Variants in SNTG1 observed in about 807,000 individuals in gnomAD.
SNTG1 encodes syntrophin gamma 1, also known as gamma-1-syntrophin.
SNTG1 carries 39 observed loss-of-function variants against 74.7 expected under a neutral mutation model. The observed-to-expected ratio is 0.52, with a 90% confidence interval of 0.40 to 0.68. The LOEUF is 0.68. Ranked by LOEUF, SNTG1 falls within the 30% of genes least tolerant of loss-of-function variation. SNTG1 has a pLI of 0.00. For missense variants in SNTG1, 685 were observed against 609.5 expected (o/e 1.12, Z -1.30); for synonymous variants, 254 against 217.1 (o/e 1.17, Z -1.49).
chr8:50,573,927 G>A (rs759371458), intron 12 of SNTG1, among the ~76,000 whole-genome samples: 13 of 151,742 alleles, frequency 8.6e-5, no homozygotes, highest in South Asian at 6.2e-4. Flanking sequence ...AAAAAATAAC[G>A]TGATAGAATC....
chr8:50,792,134 A>G (rs927057498), intron 18 of SNTG1, among the ~76,000 whole-genome samples: 4 of 151,566 alleles, frequency 2.6e-5, no homozygotes, highest in Non-Finnish European at 5.9e-5. Flanking sequence ...GCCAGCCACA[A>G]TTAAAATTAA....
intron 1 of SNTG1, among the ~76,000 whole-genome samples, chr8:50,159,466 A>G (rs1323704768): frequency 6.6e-6 from 1 of 152,166 alleles, no homozygotes; most frequent in East Asian, 1.9e-4. Context: ...TTAAACTTCC[A>G]AAACATTGTT....
intron 1 of SNTG1, among the ~76,000 whole-genome samples, chr8:50,087,860 C>G (rs958657118): frequency 6.7e-6 from 1 of 150,152 alleles, no homozygotes; most frequent in Non-Finnish European, 1.5e-5. Flanking sequence ...ATACATGTGC[C>G]ATGCTGGTGC....
intron 11 of SNTG1, among the ~76,000 whole-genome samples, chr8:50,537,729 T>A (rs1358021363): frequency 1.3e-5 from 2 of 152,184 alleles, no homozygotes; most frequent in Non-Finnish European, 2.9e-5. Flanking sequence ...AACTTTCCTG[T>A]AAAGAGCTGT....
chr8:50,005,145 T>C (rs1055694392), intron 1 of SNTG1, among the ~76,000 whole-genome samples: 34 of 152,168 alleles, frequency 2.2e-4, no homozygotes, highest in African/African-American at 8.2e-4. Context: ...TATTTCTTGA[T>C]ACTGTAAATG....
intron 8 of SNTG1, among the ~76,000 whole-genome samples, chr8:50,481,285 G>A (rs2093737984): frequency 6.6e-6 from 1 of 152,166 alleles, no homozygotes; most frequent in Non-Finnish European, 1.5e-5. Flanking sequence ...GGAGGCTGAG[G>A]CGGGAGAATT....
chr8:50,501,677 C>G (rs1397779884), intron 8 of SNTG1, among the ~76,000 whole-genome samples: 2 of 149,274 alleles, frequency 1.3e-5, no homozygotes, highest in Non-Finnish European at 3.0e-5. Context: ...AGGCTGGTCT[C>G]GAACTCCAGA....
chr8:50,339,106 A>G (rs2091240820), intron 2 of SNTG1, among the ~76,000 whole-genome samples: 1 of 152,122 alleles, frequency 6.6e-6, no homozygotes, highest in African/African-American at 2.4e-5. Flanking sequence ...GACTTCTCTT[A>G]GAAACCATGC....
intron 8 of SNTG1, among the ~76,000 whole-genome samples, chr8:50,476,967 A>G (rs1333670392): frequency 6.6e-6 from 1 of 152,156 alleles, no homozygotes; most frequent in Non-Finnish European, 1.5e-5. Context: ...CCCAATGGCC[A>G]AAGCTGAAAC....
At chr8:50,646,196 G>A (rs1585944375) in intron 13 of SNTG1, among the ~76,000 whole-genome samples, 1 of 151,996 alleles carries the variant, frequency 6.6e-6, no homozygotes, top group African/African-American at 2.4e-5. Flanking sequence ...TAATAAACAC[G>A]GTTCTCATTA....
chr8:50,345,355 T>G (rs952697270), intron 2 of SNTG1, among the ~76,000 whole-genome samples: 1 of 152,116 alleles, frequency 6.6e-6, no homozygotes, highest in Non-Finnish European at 1.5e-5. Context: ...AGGCTCTGTT[T>G]TAGTGCCTGC....
chr8:50,646,501 T>C lies in SNTG1; in HGVS notation c.850-10408T>C, dbSNP rs530464644. Among the ~76,000 whole-genome samples, 20 of 152,310 alleles carry C rather than the reference T, an allele frequency of 1.3e-4. No homozygotes were observed. The South Asian group carries it at 3.9e-3, about 30-fold the overall frequency. On this transcript the variant is annotated intron_variant, in intron 13 of 18. Coordinates refer to ENST00000642720, the MANE Select transcript of SNTG1 (RefSeq NM_018967.5). ...ATTTACAGATAAATTTGTGGGTTTGTTTTAATAAAAGTAAAGGAAGTAGTG... is the reference window on the plus strand; with the variant it reads ...ATTTACAGATAAATTTGTGGGTTTGCTTTAATAAAAGTAAAGGAAGTAGTG...
intron 1 of SNTG1, among the ~76,000 whole-genome samples, chr8:49,948,136 A>C (rs1279713292): frequency 6.6e-6 from 1 of 152,116 alleles, no homozygotes; most frequent in East Asian, 1.9e-4. Flanking sequence ...GTCTCAAACA[A>C]ACAAATGAAA....
At chr8:50,105,614 T>C (rs556408912) in intron 1 of SNTG1, among the ~76,000 whole-genome samples, 1 of 152,248 alleles carries the variant, frequency 6.6e-6, no homozygotes, top group East Asian at 1.9e-4. Flanking sequence ...AATCTGTAAA[T>C]TGCTTTGTGC....
At chr8:49,979,142 G>C (rs948761215) in intron 1 of SNTG1, among the ~76,000 whole-genome samples, 1 of 152,230 alleles carries the variant, frequency 6.6e-6, no homozygotes. Context: ...CTAGCAGGCG[G>C]GGAAGGACTG....
At chr8:50,686,250 G>C (rs942566969) in intron 15 of SNTG1, among the ~76,000 whole-genome samples, 1 of 152,140 alleles carries the variant, frequency 6.6e-6, no homozygotes, top group Non-Finnish European at 1.5e-5. Context: ...GATAAAAGGA[G>C]TGGTCAAAAT....
chr8:50,751,175 T>TA (rs1273786160), intron 17 of SNTG1, among the ~76,000 whole-genome samples: 1 of 152,058 alleles, frequency 6.6e-6, no homozygotes, highest in Admixed American at 6.6e-5. Context: ...TAAGATAAGG[T>TA]AAAACAAACT....
chr8:49,946,865 A>C (rs1462851764), intron 1 of SNTG1, among the ~76,000 whole-genome samples: 2 of 152,196 alleles, frequency 1.3e-5, no homozygotes, highest in Non-Finnish European at 1.5e-5. Flanking sequence ...ATTACATTGC[A>C]TGTTCTTTCT....
intron 1 of SNTG1, among the ~76,000 whole-genome samples, chr8:50,043,271 G>C (rs991885335): frequency 1.3e-5 from 2 of 152,166 alleles, no homozygotes; most frequent in African/African-American, 4.8e-5. Flanking sequence ...TATAAGTAAA[G>C]CAAATGATTT....
Sources: allele counts gnomAD v4.1 joint callset (sites outside exome capture counted in the v4.1 genomes callset), GRCh38; gene constraint gnomAD v4.1.1; transcripts MANE v1.5; gene names NCBI Gene and HGNC (gene_info 2026-07-23, HGNC 2026-07-21).